Variants in TYRO3 observed in about 807,000 individuals in gnomAD.
TYRO3 encodes the protein tyrosine-protein kinase receptor TYRO3.
Under a neutral mutation model 95.2 loss-of-function variants are expected in TYRO3, and 38 were observed. The ratio of observed to expected loss-of-function variants is 0.40; its 90% CI spans 0.31 to 0.52. The LOEUF (loss-of-function observed/expected upper bound fraction) is 0.52. TYRO3 is among the 20% of genes least tolerant of loss of function. TYRO3 has a pLI of 0.56. For missense variants in TYRO3, 812 were observed against 1,116.4 expected (o/e 0.73, Z 3.89); for synonymous variants, 367 against 432.9 (o/e 0.85, Z 1.89).
chr15:41,573,517 C>G, intron 17 of TYRO3, 50 bp downstream of exon 17: 1 of 1,611,190 alleles, frequency 6.2e-7, no homozygotes, highest in Non-Finnish European at 8.5e-7. Flanking sequence ...TGAGAGCAGA[C>G]CTTTAGGATC....
chr15:41,564,581 C>T (rs887458955), intron 5 of TYRO3, among the ~76,000 whole-genome samples: 2 of 152,080 alleles, frequency 1.3e-5, no homozygotes, highest in Non-Finnish European at 2.9e-5. Flanking sequence ...TTCTGCCCCT[C>T]CCTTTGAGGG....
intron 15 of TYRO3, 46 bp from the exon 16 acceptor site, chr15:41,572,956 G>C: frequency 1.7e-6 from 2 of 1,152,162 alleles, no homozygotes; most frequent in Non-Finnish European, 2.5e-6. Context: ...TCCTGCCCCA[G>C]CTGGGTGGGC....
At chr15:41,561,397 C>A in intron 2 of TYRO3, 87 bp downstream of exon 2, 1 of 1,501,340 alleles carries the variant, frequency 6.7e-7, no homozygotes. Flanking sequence ...GGGCCCTCTC[C>A]TGATGCCCAG....
At chr15:41,561,039 C>A in intron 1 of TYRO3, 88 bp from the exon 2 acceptor site, 1 of 1,523,330 alleles carries the variant, frequency 6.6e-7, no homozygotes, top group Non-Finnish European at 9.1e-7. Context: ...CTGTCTGACA[C>A]AGAAGCTACC....
At chr15:41,563,712 G>C (rs1290200919) in intron 4 of TYRO3, among the ~76,000 whole-genome samples, 1 of 152,206 alleles carries the variant, frequency 6.6e-6, no homozygotes, top group East Asian at 1.9e-4. Context: ...AAAGAACTGA[G>C]TATAACTGGG....
Position 41,567,451 on chromosome 15 carries a change from C to G in TYRO3, c.875C>G (p.Thr292Ser). Residue 292 changes from threonine (T) to serine (S), a missense_variant, in exon 7 of 19, where the codon ACC becomes AGC. Thr to Ser is a moderately conservative substitution (Grantham distance 58). Transcript: ENST00000263798. ...TCLLRDLVPA[T>S]NYSLRVRCAN... ...CTGCTCCGGGACCTGGTGCCTGCCACCAACTACAGCCTCAGGGTGCGCTGT... is the reference window on the plus strand; with the variant it reads ...CTGCTCCGGGACCTGGTGCCTGCCAGCAACTACAGCCTCAGGGTGCGCTGT... The G allele has an allele frequency of 6.2e-7, 1 of 1,609,566 alleles. No individual in the cohort carries two copies. The highest frequency in any genetic ancestry group is 8.5e-7 in the Non-Finnish European group (1 of 1,178,380).
At chr15:41,576,938 A>C (rs2055868410) in intron 18 of TYRO3, among the ~76,000 whole-genome samples, 1 of 151,982 alleles carries the variant, frequency 6.6e-6, no homozygotes, top group Non-Finnish European at 1.5e-5. Flanking sequence ...AGCTGGGACT[A>C]CAGGTGCATA....
chr15:41,565,569 C>T lies in TYRO3; in HGVS notation c.783+428C>T, dbSNP rs2055711680. On this transcript the variant is annotated intron_variant, in intron 6 of 18. Transcript: ENST00000263798. ...GATTAGGATTACAGTCATGCACCAC[C>T]ACGCCCAGCTAACTTTTTTTTTTTT... Among the ~76,000 whole-genome samples the T allele has an allele frequency of 2.0e-5, 3 of 148,880 alleles. No homozygotes were observed. In the South Asian group the frequency reaches 6.4e-4, roughly 32 times the overall value.
Position 41,567,477 on chromosome 15 carries a change from G to T in TYRO3, c.901G>T (p.Ala301Ser), listed in dbSNP as rs1481020445. The change falls in exon 7 of 19, where the codon GCC (alanine) becomes TCC (serine). Residue 301 changes from alanine to serine, a missense_variant. By Grantham distance (99) the Ala-to-Ser change is moderately conservative. Transcript: ENST00000263798. The stretch of plus-strand genomic sequence containing the variant: ...CAACTACAGCCTCAGGGTGCGCTGT[G>T]CCAATGCCTTGGGGCCCTCTCCCTA... ...ATNYSLRVRC[A>S]NALGPSPYAD... 6.2e-7 allele frequency: 1 copy of T among 1,606,580 alleles called. No individual in the cohort carries two copies. Among genetic ancestry groups the T allele is most frequent in the Non-Finnish European group, 8.5e-7 (1 of 1,177,190 alleles).
chr15:41,577,971 T>C lies in TYRO3; in HGVS notation c.2368T>C (p.Leu790=). 5 of 1,613,910 alleles carry C rather than the reference T, an allele frequency of 3.1e-6. No homozygotes were observed. Among genetic ancestry groups the C allele is most frequent in the Non-Finnish European group, 4.2e-6 (5 of 1,180,044 alleles). Residue 790 remains leucine, a synonymous_variant, in exon 19 of 19, where the codon TTG becomes CTG. Coordinates refer to ENST00000263798, the MANE Select transcript of TYRO3 (RefSeq NM_006293.4). ...TCTGCGAATGGAACTGGAGAACATC[T>C]TGGGCCAGCTGTCTGTGCTATCTGC... The part of the protein sequence containing the change: ...TCLRMELENI[L]GQLSVLSASQ...
At chr15:41,565,164 T>C (rs1381826833) in intron 6 of TYRO3, 23 bp downstream of exon 6, 1 of 1,468,060 alleles carries the variant, frequency 6.8e-7, no homozygotes, top group Non-Finnish European at 9.5e-7. Context: ...GGCCGGGCCA[T>C]GCTCGTTCTG....
Position 41,567,534 on chromosome 15 carries a change from C to T in TYRO3, c.958C>T (p.Leu320=), listed in dbSNP as rs202084539. ...CTGGGTGCCCTTTCAGACCAAGGGT[C>T]TAGGTAAGGGATGCATAGAGCAGAG... ...ADWVPFQTKG[L]APASAPQNLH... Residue 320 remains leucine (L), a synonymous_variant, in exon 7 of 19, where the codon CTA becomes TTA. Coordinates refer to ENST00000263798, the MANE Select transcript of TYRO3 (RefSeq NM_006293.4). 6.4e-7 allele frequency: 1 copy of T among 1,557,564 alleles called. No homozygotes were observed. The highest frequency in any genetic ancestry group is 8.7e-7 in the Non-Finnish European group (1 of 1,155,838).
At chr15:41,562,846 G>C (rs1023262553) in intron 4 of TYRO3, 128 bp downstream of exon 4, 4 of 944,386 alleles carry the variant, frequency 4.2e-6, no homozygotes, top group South Asian at 1.7e-5. Flanking sequence ...GTCTGGGGAC[G>C]TGAGCTGCAC....
At position 41,568,366 on chromosome 15, in the gene TYRO3, A is replaced by C; in HGVS notation, c.1107+4A>C. On this transcript the variant is annotated splice_donor_region_variant and intron_variant, in intron 8 of 18. Coordinates refer to ENST00000263798, the MANE Select transcript of TYRO3 (RefSeq NM_006293.4). ...GGTTCAAGACAATGGAACCCAGGTA[A>C]GACAGAACCCTCCCCTCTCTCCACT... is the stretch of plus-strand genomic sequence containing the variant. 7.4e-7 allele frequency: 1 copy of C among 1,359,574 alleles called. No individual in the cohort carries two copies. The highest frequency in any genetic ancestry group is 1.2e-5 in the South Asian group (1 of 81,262). 84.2% of individuals were successfully genotyped at this position (1,359,574 alleles called of 1,614,324 possible). A position where few individuals can be genotyped will look rare whatever the true frequency, so the allele number is the denominator to read the frequency against.
In TYRO3 at chr15:41,582,068, C is replaced by T. The variant is rs1431495621; in HGVS notation, c.*3792C>T. ...CTACTCCCCATAGGTAACCTCTATC[C>T]TGACCTCTTAACACCATGGATCAGT... On this transcript the variant is annotated 3_prime_UTR_variant, in exon 19 of 19. Coordinates refer to ENST00000263798, the MANE Select transcript of TYRO3 (RefSeq NM_006293.4). 1 of 152,224 alleles carries T rather than the reference C, an allele frequency of 6.6e-6. No homozygotes were observed. The highest frequency in any genetic ancestry group is 1.5e-5 in the Non-Finnish European group (1 of 68,058). The allele number at this position is 152,224 out of a possible 1,614,324, so 9.4% of individuals were successfully genotyped here.
At chr15:41,559,440 G>T in intron 1 of TYRO3, 59 bp downstream of exon 1, 1 of 327,104 alleles carries the variant, frequency 3.1e-6, no homozygotes, top group South Asian at 1.4e-4. Flanking sequence ...CGCGGCCGGG[G>T]GTCGGAGCCC....
intron 2 of TYRO3, 93 bp downstream of exon 2, chr15:41,561,403 C>A: frequency 3.2e-6 from 5 of 1,555,264 alleles, no homozygotes; most frequent in Non-Finnish European, 4.4e-6. Context: ...TCTCCTGATG[C>A]CCAGAGGTCT....
intron 1 of TYRO3, among the ~76,000 whole-genome samples, chr15:41,560,434 C>T (rs912437886): frequency 0.022 from 1,382 of 63,870 alleles, 10 homozygotes; most frequent in South Asian, 0.063. Flanking sequence ...TGTGTGCGCG[C>T]GCGCGCGCGC....
At chr15:41,570,480 C>A in intron 11 of TYRO3, 124 bp from the exon 12 acceptor site, 1 of 1,374,932 alleles carries the variant, frequency 7.3e-7, no homozygotes, top group Non-Finnish European at 1.0e-6. Flanking sequence ...GTGGAGTTCA[C>A]CACCCCAGCC....
Sources: allele counts gnomAD v4.1 joint callset (sites outside exome capture counted in the v4.1 genomes callset), GRCh38; gene constraint gnomAD v4.1.1; transcripts MANE v1.5; gene names NCBI Gene and HGNC (gene_info 2026-07-23, HGNC 2026-07-21).